Variants in B4GALT4 observed in about 807,000 individuals in gnomAD.
B4GALT4 encodes N-acetyllactosamine synthase.
In B4GALT4, 27 loss-of-function variants were observed where a neutral mutation model predicts 37.3. That is an observed-to-expected ratio of 0.72 (90% CI 0.53 to 1.00). B4GALT4 has a LOEUF of 1.00. Among genes scored for constraint, B4GALT4 ranks in the 50% least tolerant of loss-of-function variants. The pLI, the probability that B4GALT4 is intolerant of heterozygous loss-of-function variation, is 0.00. For synonymous variants in B4GALT4, 148 were observed against 154.1 expected (o/e 0.96, Z 0.29); for missense variants, 372 against 413.1 (o/e 0.90, Z 0.86).
At chr3:119,217,770 G>C (rs1458340308) in intron 6 of B4GALT4, among the ~76,000 whole-genome samples, 2 of 151,496 alleles carry the variant, frequency 1.3e-5, no homozygotes, top group East Asian at 3.9e-4. Context: ...TCAAACCCGG[G>C]AGGCAGAGGT....
intron 2 of B4GALT4, among the ~76,000 whole-genome samples, chr3:119,233,989 C>T (rs978818546): frequency 6.6e-6 from 1 of 152,208 alleles, no homozygotes; most frequent in Non-Finnish European, 1.5e-5. Flanking sequence ...CTGGAGGCAA[C>T]CCCTCTCACC....
chr3:119,224,481 A>G (rs938776397), intron 4 of B4GALT4, among the ~76,000 whole-genome samples: 1 of 152,198 alleles, frequency 6.6e-6, no homozygotes, highest in African/African-American at 2.4e-5. Flanking sequence ...TTGAAATCCA[A>G]AGACTTGTTG....
intron 2 of B4GALT4, among the ~76,000 whole-genome samples, chr3:119,231,603 T>C (rs2078818121): frequency 6.6e-6 from 1 of 151,702 alleles, no homozygotes; most frequent in South Asian, 2.1e-4. Flanking sequence ...TAACAATATA[T>C]ACAATTAAGG....
chr3:119,222,245 A>G lies in B4GALT4; in HGVS notation c.674+1813T>C, dbSNP rs1166622062. 2.0e-5 allele frequency among the ~76,000 whole-genome samples: 3 copies of G among 152,204 alleles called. No homozygotes were observed. In the East Asian group the frequency reaches 5.8e-4, roughly 29 times the overall value. On this transcript the variant is annotated intron_variant, in intron 5 of 7. Coordinates refer to ENST00000393765, the MANE Select transcript of B4GALT4 (RefSeq NM_003778.4). Reference sequence around the variant, plus strand: ...TGACATCTTACTACAGAGTAAGTGAACAGATGGTGACATGCTTTTGAAAAA... The same window carrying G: ...TGACATCTTACTACAGAGTAAGTGAGCAGATGGTGACATGCTTTTGAAAAA...
At chr3:119,212,966 A>T (rs2078200289) in intron 7 of B4GALT4, 1 of 297,322 alleles carries the variant, frequency 3.4e-6, no homozygotes. Context: ...GAATACAGAT[A>T]CTACAGGATA....
At chr3:119,223,399 TTC>T (rs1392834291) in intron 5 of B4GALT4, among the ~76,000 whole-genome samples, 2 of 152,210 alleles carry the variant, frequency 1.3e-5, no homozygotes, top group Non-Finnish European at 2.9e-5. Context: ...CAGAGAAACA[TTC>T]TGTGTCACTA....
In B4GALT4 at chr3:119,220,016, A is replaced by T. The variant is rs865864434; in HGVS notation, c.675-1244T>A. The stretch of plus-strand genomic sequence containing the variant: ...TAAACATGTAGACACTGGCCATCAA[A>T]CAAGTGGCATCCCAAAAGCTAATCT... On this transcript the variant is annotated intron_variant, in intron 5 of 7. Coordinates refer to ENST00000393765, the MANE Select transcript of B4GALT4 (RefSeq NM_003778.4). 7.2e-5 allele frequency among the ~76,000 whole-genome samples: 11 copies of T among 152,358 alleles called. No individual in the cohort carries two copies. The Middle Eastern group carries it at 0.014, about 188-fold the overall frequency.
At chr3:119,239,867 G>A (rs994653950) in intron 1 of B4GALT4, among the ~76,000 whole-genome samples, 1 of 151,742 alleles carries the variant, frequency 6.6e-6, no homozygotes, top group Non-Finnish European at 1.5e-5. Context: ...AGCACTCCCC[G>A]CCTGGGTCTC....
chr3:119,220,225 A>G (rs567600311), intron 5 of B4GALT4, among the ~76,000 whole-genome samples: 1 of 152,374 alleles, frequency 6.6e-6, no homozygotes, highest in South Asian at 2.1e-4. Flanking sequence ...TGACCAAGAC[A>G]TCTACTAGCA....
Position 119,230,220 on chromosome 3 carries a change from T to C in B4GALT4, c.-121A>G. On this transcript the variant is annotated 5_prime_UTR_variant, in exon 3 of 8. Coordinates refer to ENST00000393765, the MANE Select transcript of B4GALT4 (RefSeq NM_003778.4). ...CAACTGAAGATACAATGCCTGGTTT[T>C]TCTCAGTAGTTCTGCTCCAACAGTC... The C allele has an allele frequency of 8.0e-7, 1 of 1,247,760 alleles. No individual in the cohort carries two copies. Among genetic ancestry groups the C allele is most frequent in the Non-Finnish European group, 1.1e-6 (1 of 894,858 alleles). The allele number at this position is 1,247,760 out of a possible 1,614,324, so 77.3% of individuals were successfully genotyped here.
chr3:119,226,905 G>A lies in B4GALT4; in HGVS notation c.390C>T (p.His130=), dbSNP rs752597481. ...ALQRVAILVP[H]RNREKHLMYL... ...ACATCAGGTGTTTCTCTCTGTTCCG[G>A]TGGGGAACGAGGATGGCGACCCTCT... The change falls in exon 4 of 8, where the codon CAC becomes CAT. Residue 130 remains histidine (H), a synonymous_variant. Coordinates refer to ENST00000393765, the MANE Select transcript of B4GALT4 (RefSeq NM_003778.4). The A allele has an allele frequency of 9.9e-6, 16 of 1,614,176 alleles. No individual in the cohort carries two copies. Among genetic ancestry groups the A allele is most frequent in the Non-Finnish European group, 1.4e-5 (16 of 1,180,022 alleles).
At position 119,226,737 on chromosome 3, in the gene B4GALT4, A is replaced by G. The variant is rs1576915224; in HGVS notation, c.486+72T>C. On this transcript the variant is annotated intron_variant, in intron 4 of 7. Coordinates refer to ENST00000393765, the MANE Select transcript of B4GALT4 (RefSeq NM_003778.4). The stretch of plus-strand genomic sequence containing the variant: ...ATGTTCCTTTTACCCAACATAGACA[A>G]ACAGTCACATGGCCAAGTCTGGCAG... 1.9e-5 allele frequency: 25 copies of G among 1,331,980 alleles called. No individual in the cohort carries two copies. In the East Asian group the frequency reaches 6.1e-4, roughly 32 times the overall value. The allele number at this position is 1,331,980 out of a possible 1,614,324, so 82.5% of individuals were successfully genotyped here.
At chr3:119,221,093 A>G (rs958542355) in intron 5 of B4GALT4, among the ~76,000 whole-genome samples, 1 of 152,204 alleles carries the variant, frequency 6.6e-6, no homozygotes, top group African/African-American at 2.4e-5. Context: ...AAAAGCATAA[A>G]TATTTAACTG....
intron 5 of B4GALT4, among the ~76,000 whole-genome samples, chr3:119,220,235 A>C (rs916143042): frequency 1.3e-5 from 2 of 152,276 alleles, no homozygotes; most frequent in Admixed American, 1.3e-4. Flanking sequence ...ATCTACTAGC[A>C]GTGTCTCATT....
intron 1 of B4GALT4, chr3:119,239,900 T>A (rs1178819539): frequency 1.3e-5 from 2 of 151,736 alleles, no homozygotes; most frequent in Non-Finnish European, 2.9e-5. Context: ...CCCTTCTGAA[T>A]CCCAGTTTCT....
At chr3:119,226,138 G>A (rs948533463) in intron 4 of B4GALT4, among the ~76,000 whole-genome samples, 1 of 152,158 alleles carries the variant, frequency 6.6e-6, no homozygotes, top group Non-Finnish European at 1.5e-5. Context: ...TTAAACTGAT[G>A]TCTTAGTTTT....
intron 5 of B4GALT4, among the ~76,000 whole-genome samples, chr3:119,222,325 G>T (rs2078472984): frequency 1.3e-5 from 2 of 152,128 alleles, no homozygotes; most frequent in South Asian, 4.2e-4. Flanking sequence ...GTGACTCAAA[G>T]AAACCAGAAA....
chr3:119,229,569 A>G (rs1411035279), intron 3 of B4GALT4, among the ~76,000 whole-genome samples: 1 of 152,232 alleles, frequency 6.6e-6, no homozygotes, highest in Non-Finnish European at 1.5e-5. Context: ...TGAAAGAAAC[A>G]TGGGAGTTCC....
intron 2 of B4GALT4, among the ~76,000 whole-genome samples, chr3:119,231,563 TA>T (rs2078816752): frequency 6.6e-6 from 1 of 151,874 alleles, no homozygotes; most frequent in Non-Finnish European, 1.5e-5. Flanking sequence ...AAACAGAAAG[TA>T]AGCCCTATAT....
Sources: gnomAD v4.1 joint callset for allele counts (sites outside exome capture counted in the v4.1 genomes callset) on GRCh38, gnomAD v4.1.1 for gene constraint, MANE v1.5 for transcripts, NCBI Gene and HGNC (gene_info 2026-07-23, HGNC 2026-07-21) for gene names.